The following RNF220 variants were observed in gnomAD, a reference collection of about 807,000 sequenced individuals.
RNF220 encodes ring finger protein 220.
In RNF220, 7 loss-of-function variants were observed where a neutral mutation model predicts 67.1. The ratio of observed to expected loss-of-function variants is 0.10; its 90% CI spans 0.06 to 0.20. The LOEUF (loss-of-function observed/expected upper bound fraction) is 0.20. Ranked by LOEUF, RNF220 falls within the 10% of genes least tolerant of loss-of-function variation. The pLI is 1.00. For synonymous variants in RNF220, 270 were observed against 283.2 expected, an observed-to-expected ratio of 0.95 and a Z score of 0.47; for missense variants, 565 against 740.3, an observed-to-expected ratio of 0.76 and a Z score of 2.75.
intron 2 of RNF220, among the ~76,000 whole-genome samples, chr1:44,529,656 G>A (rs541666459): frequency 6.8e-4 from 103 of 152,258 alleles, no homozygotes; most frequent in African/African-American, 2.2e-3. Flanking sequence ...GATTACAGGC[G>A]TGAGCCACCA....
intron 2 of RNF220, among the ~76,000 whole-genome samples, chr1:44,552,563 C>CCTT (rs1662729307): frequency 1.4e-5 from 1 of 71,362 alleles, no homozygotes; most frequent in African/African-American, 5.0e-5. Flanking sequence ...TTCTAAACTT[C>CCTT]TTCTTTTTTT....
Position 44,651,466 on chromosome 1 carries a change from G to T in RNF220, c.*691G>T, listed in dbSNP as rs1210471949. 3 of 153,010 alleles carry T rather than the reference G, an allele frequency of 2.0e-5. No individual in the cohort carries two copies. The highest frequency in any genetic ancestry group is 2.0e-4 in the Admixed American group (3 of 15,322). The allele number at this position is 153,010 out of a possible 1,614,324, so 9.5% of individuals were successfully genotyped here. A position where few individuals can be genotyped will look rare whatever the true frequency, so the allele number is the denominator to read the frequency against. ...ATGGGGCTCTTTATAAGGAGTTGGG[G>T]GGTAGAGGCAGGAAATGGGAACCGA... On this transcript the variant is annotated 3_prime_UTR_variant, in exon 15 of 15. Coordinates refer to ENST00000361799, the MANE Select transcript of RNF220 (RefSeq NM_018150.4).
At chr1:44,422,782 G>T (rs909890360) in intron 2 of RNF220, among the ~76,000 whole-genome samples, 3 of 152,182 alleles carry the variant, frequency 2.0e-5, no homozygotes, top group Non-Finnish European at 2.9e-5. Flanking sequence ...CTGGGGTGCT[G>T]CTGTGAGCCC....
intron 5 of RNF220, among the ~76,000 whole-genome samples, chr1:44,628,249 G>A (rs2148463697): frequency 6.6e-6 from 1 of 152,346 alleles, no homozygotes; most frequent in Middle Eastern, 3.4e-3. Flanking sequence ...GTTCAACTAG[G>A]AAAGAGTAAC....
intron 1 of RNF220, among the ~76,000 whole-genome samples, chr1:44,407,670 G>T (rs1049700468): frequency 6.6e-6 from 1 of 152,042 alleles, no homozygotes; most frequent in African/African-American, 2.4e-5. Context: ...GCGGCGGCCG[G>T]ACGGCCGCGG....
At chr1:44,503,593 T>G (rs1286463789) in intron 2 of RNF220, among the ~76,000 whole-genome samples, 1 of 152,158 alleles carries the variant, frequency 6.6e-6, no homozygotes, top group Non-Finnish European at 1.5e-5. Flanking sequence ...AGACACCCCC[T>G]GTTCCGCCCT....
rs372434353 is a variant in RNF220, at chr1:44,645,497, T to C, written c.1445+9T>C. 8.7e-6 allele frequency: 14 copies of C among 1,613,268 alleles called. No individual in the cohort carries two copies. The highest frequency in any genetic ancestry group is 3.3e-4 in the Middle Eastern group (2 of 6,060). On this transcript the variant is annotated intron_variant, in intron 12 of 14. Transcript: ENST00000361799. This position sits in a 1 kb window ranked among gnomAD's most constrained non-coding sequence, Gnocchi z 5.0. Reference sequence around the variant, plus strand: ...AACAGCGACATCGAGAAGTAAGTGTTTGGCCAGGAGAGAGCCCTGGGACCA... The same window carrying C: ...AACAGCGACATCGAGAAGTAAGTGTCTGGCCAGGAGAGAGCCCTGGGACCA...
At chr1:44,613,868 C>T (rs1274892290) in intron 2 of RNF220, among the ~76,000 whole-genome samples, 1 of 152,116 alleles carries the variant, frequency 6.6e-6, no homozygotes, top group Admixed American at 6.5e-5. Flanking sequence ...CAGAGCAAGA[C>T]TCTGTCTCAA....
intron 2 of RNF220, among the ~76,000 whole-genome samples, chr1:44,536,958 G>T (rs1482495148): frequency 6.6e-6 from 1 of 151,710 alleles, no homozygotes; most frequent in African/African-American, 2.4e-5. Context: ...CTCCCTGCAT[G>T]CCTCCCCCAC....
In RNF220 at chr1:44,412,077, C is replaced by T. The variant is rs200959289; in HGVS notation, c.-21C>T. 4.3e-5 allele frequency: 68 copies of T among 1,591,588 alleles called. No homozygotes were observed. The highest frequency in any genetic ancestry group is 1.7e-4 in the Middle Eastern group (1 of 5,986). ...GGGAAGACTGCTTCTTGCGTAACGC[C>T]GGCCACAGAAAGAGACTCCGATGGA... On this transcript the variant is annotated 5_prime_UTR_variant, in exon 2 of 15. Coordinates refer to ENST00000361799, the MANE Select transcript of RNF220 (RefSeq NM_018150.4). This position sits in a 1 kb window ranked among gnomAD's most constrained non-coding sequence, Gnocchi z 5.3.
chr1:44,490,971 A>T (rs1168897158), intron 2 of RNF220, among the ~76,000 whole-genome samples: 1 of 152,206 alleles, frequency 6.6e-6, no homozygotes, highest in Non-Finnish European at 1.5e-5. Flanking sequence ...TATGCCAAAA[A>T]GTTAGATAAA....
intron 2 of RNF220, among the ~76,000 whole-genome samples, chr1:44,573,711 C>T (rs754203021): frequency 2.6e-4 from 40 of 152,296 alleles, no homozygotes; most frequent in Non-Finnish European, 5.0e-4. Flanking sequence ...AAACATGTCT[C>T]CAACAGGACA....
At chr1:44,602,738 G>C (rs1667008981) in intron 2 of RNF220, among the ~76,000 whole-genome samples, 1 of 151,904 alleles carries the variant, frequency 6.6e-6, no homozygotes, top group Non-Finnish European at 1.5e-5. Flanking sequence ...CTCCTCTCCA[G>C]ACCCTTCCCC....
At chr1:44,503,997 G>A (rs887545203) in intron 2 of RNF220, among the ~76,000 whole-genome samples, 5 of 152,070 alleles carry the variant, frequency 3.3e-5, no homozygotes, top group African/African-American at 4.8e-5. Context: ...CTACAGGTGC[G>A]TGCCACCATG....
At chr1:44,491,910 C>T (rs1284165075) in intron 2 of RNF220, among the ~76,000 whole-genome samples, 4 of 152,150 alleles carry the variant, frequency 2.6e-5, no homozygotes, top group East Asian at 1.9e-4. Context: ...GTGATCCACC[C>T]GCTTCGGCCT....
chr1:44,468,347 T>C (rs1211647255), intron 2 of RNF220, among the ~76,000 whole-genome samples: 4 of 152,132 alleles, frequency 2.6e-5, no homozygotes, highest in Non-Finnish European at 5.9e-5. Context: ...GCTCTTCCTG[T>C]ACTGATATGG....
intron 2 of RNF220, among the ~76,000 whole-genome samples, chr1:44,508,597 C>T (rs999948037): frequency 6.6e-6 from 1 of 152,194 alleles, no homozygotes; most frequent in African/African-American, 2.4e-5. Flanking sequence ...CACCACAGAA[C>T]GTAACACAAC....
intron 2 of RNF220, among the ~76,000 whole-genome samples, chr1:44,556,775 G>T (rs185293561): frequency 4.6e-5 from 7 of 152,096 alleles, no homozygotes; most frequent in Middle Eastern, 3.4e-3. Flanking sequence ...TAGCCAGGAT[G>T]GTCTCAATCT....
intron 2 of RNF220, among the ~76,000 whole-genome samples, chr1:44,479,619 A>C (rs1655614120): frequency 6.6e-6 from 1 of 152,204 alleles, no homozygotes; most frequent in Non-Finnish European, 1.5e-5. Context: ...TCAGAGCTTA[A>C]TACTCTTGAT....
Sources: allele counts gnomAD v4.1 joint callset (sites outside exome capture counted in the v4.1 genomes callset), GRCh38; gene constraint gnomAD v4.1.1; non-coding constraint Gnocchi (gnomAD v3.1); transcripts MANE v1.5; gene names NCBI Gene and HGNC (gene_info 2026-07-23, HGNC 2026-07-21).